Variants in ZBTB20 observed in about 807,000 individuals in gnomAD.
ZBTB20 encodes zinc finger and BTB domain containing 20.
ZBTB20 carries 9 observed loss-of-function variants against 56.9 expected under a neutral mutation model. The ratio of observed to expected loss-of-function variants is 0.16; its 90% CI spans 0.10 to 0.28. The LOEUF is 0.28. ZBTB20 is among the 10% of genes least tolerant of loss of function. ZBTB20 has a pLI of 1.00. For missense variants in ZBTB20, 655 were observed against 1,003.0 expected (o/e 0.65, Z 4.69); for synonymous variants, 417 against 420.7 (o/e 0.99, Z 0.11).
intron 10 of ZBTB20, chr3:114,378,893 G>A (rs538668758): frequency 1.3e-5 from 2 of 152,362 alleles, no homozygotes; most frequent in East Asian, 3.9e-4. Context: ...TTTCTCTATA[G>A]AAGCCTCAAC....
At chr3:114,893,258 G>A (rs1197074857) in intron 4 of ZBTB20, among the ~76,000 whole-genome samples, 21 of 152,158 alleles carry the variant, frequency 1.4e-4, no homozygotes, top group Admixed American at 1.2e-3. Context: ...ACAGAATTCA[G>A]TGTGCAGTTT....
chr3:114,548,388 T>C (rs2110169660), intron 6 of ZBTB20, among the ~76,000 whole-genome samples: 1 of 152,312 alleles, frequency 6.6e-6, no homozygotes, highest in African/African-American at 2.4e-5. Flanking sequence ...ATGCAACTTC[T>C]GTCTAAGGAT....
chr3:114,635,501 TAAA>T (rs2059211392), intron 6 of ZBTB20, among the ~76,000 whole-genome samples: 1 of 151,988 alleles, frequency 6.6e-6, no homozygotes, highest in Admixed American at 6.6e-5. Context: ...ATAAATGTCT[TAAA>T]GAAGCCCAGT....
intron 7 of ZBTB20, among the ~76,000 whole-genome samples, chr3:114,398,558 G>A (rs911038894): frequency 6.6e-6 from 1 of 152,096 alleles, no homozygotes; most frequent in Non-Finnish European, 1.5e-5. Context: ...GAAGAGCAAA[G>A]GCAGCTCCGT....
chr3:114,774,407 C>T (rs978039350), intron 5 of ZBTB20, among the ~76,000 whole-genome samples: 3 of 152,120 alleles, frequency 2.0e-5, no homozygotes, highest in Non-Finnish European at 2.9e-5. Context: ...AGGATAGCTC[C>T]AATGACCTGG....
chr3:114,658,243 T>G (rs1304951041), intron 6 of ZBTB20: 1 of 152,194 alleles, frequency 6.6e-6, no homozygotes, highest in Non-Finnish European at 1.5e-5. Flanking sequence ...GTATGTGATA[T>G]TTCTAATCAT....
intron 7 of ZBTB20, among the ~76,000 whole-genome samples, chr3:114,448,693 G>C (rs11921354): frequency 6.6e-6 from 1 of 152,114 alleles, no homozygotes; most frequent in South Asian, 2.1e-4. Flanking sequence ...CGTTCATATA[G>C]CTGCATAAAA....
intron 1 of ZBTB20, among the ~76,000 whole-genome samples, chr3:115,134,636 A>G (rs1433030538): frequency 6.6e-6 from 1 of 152,116 alleles, no homozygotes; most frequent in Non-Finnish European, 1.5e-5. Context: ...AATATCTGAA[A>G]TTATTTTCTG....
At position 114,702,994 on chromosome 3, in the gene ZBTB20, T is replaced by TTG. The variant is rs138375005; in HGVS notation, c.-342-9421_-342-9420dup. ...TTTTTTAAATGAATCTTACACAAATTTGTGTGTGTGTGTGTGTGTTAGAGA... is the reference window on the plus strand; with the variant it reads ...TTTTTTAAATGAATCTTACACAAATTTGTGTGTGTGTGTGTGTGTGTTAGAGA... On this transcript the variant is annotated intron_variant, in intron 5 of 11. Coordinates refer to ENST00000675478, the MANE Select transcript of ZBTB20 (RefSeq NM_001348800.3). Among the ~76,000 whole-genome samples, 482 of 146,090 alleles carry TTG rather than the reference T, an allele frequency of 3.3e-3. 3 individuals are homozygous for TTG. Among genetic ancestry groups the TTG allele is most frequent in the African/African-American group, 9.0e-3 (359 of 39,868 alleles).
intron 7 of ZBTB20, among the ~76,000 whole-genome samples, chr3:114,498,917 C>T (rs996475509): frequency 5.9e-5 from 9 of 152,126 alleles, no homozygotes; most frequent in African/African-American, 2.2e-4. Flanking sequence ...CTGAGCCGTG[C>T]GGGCAGGAGT....
chr3:114,593,352 G>C (rs1390267612), intron 6 of ZBTB20, among the ~76,000 whole-genome samples: 2 of 151,558 alleles, frequency 1.3e-5, no homozygotes, highest in Non-Finnish European at 2.9e-5. Flanking sequence ...AAATAGGGGA[G>C]AGGGAGAGAT....
intron 4 of ZBTB20, 46 bp downstream of exon 4, chr3:114,900,254 TGTTA>T (rs1335238593): frequency 2.0e-5 from 3 of 152,148 alleles, no homozygotes; most frequent in Non-Finnish European, 2.9e-5. Context: ...TATTATAACT[TGTTA>T]GTTAATATAT....
Position 114,339,757 on chromosome 3 carries a change from G to A in ZBTB20, c.1805-331C>T, listed in dbSNP as rs1463662387. 6.6e-6 allele frequency among the ~76,000 whole-genome samples: 1 copy of A among 152,072 alleles called. No individual in the cohort carries two copies. The highest frequency in any genetic ancestry group is 1.5e-5 in the Non-Finnish European group (1 of 68,016). ...AAAAGGGAGGGCTACTTTTGAAGGGGGTCACTTTCAGTGTCCTGATTAGGG... is the reference window on the plus strand; with the variant it reads ...AAAAGGGAGGGCTACTTTTGAAGGGAGTCACTTTCAGTGTCCTGATTAGGG... On this transcript the variant is annotated intron_variant, in intron 11 of 11. Transcript: ENST00000675478. This position sits in a 1 kb window ranked among gnomAD's most constrained non-coding sequence, Gnocchi z 4.2.
chr3:114,822,676 T>C (rs1258640933), intron 4 of ZBTB20, among the ~76,000 whole-genome samples: 1 of 151,918 alleles, frequency 6.6e-6, no homozygotes, highest in Admixed American at 6.6e-5. Context: ...AATGAGAAAA[T>C]GAATGTGAAA....
chr3:114,822,869 A>G (rs1699624513), intron 4 of ZBTB20, among the ~76,000 whole-genome samples: 1 of 152,092 alleles, frequency 6.6e-6, no homozygotes, highest in South Asian at 2.1e-4. Flanking sequence ...AAAAAGTTTC[A>G]GTCAAATTAT....
intron 1 of ZBTB20, among the ~76,000 whole-genome samples, chr3:115,141,079 T>C (rs2084799928): frequency 6.6e-6 from 1 of 152,164 alleles, no homozygotes; most frequent in East Asian, 1.9e-4. Flanking sequence ...CAGCAGTATT[T>C]AGTGCTTTTC....
Position 114,838,550 on chromosome 3 carries a change from G to C in ZBTB20, c.-416-37376C>G, listed in dbSNP as rs559256527. 7.8e-4 allele frequency among the ~76,000 whole-genome samples: 118 copies of C among 152,216 alleles called. 2 individuals are homozygous for C. In the South Asian group the frequency reaches 9.8e-3, roughly 13 times the overall value. ...AATTGAAGATCCATGGTGTGACTGG[G>C]GGGGGAAAGTCTCTGAAAAGTTAAA... is the stretch of plus-strand genomic sequence containing the variant. On this transcript the variant is annotated intron_variant, in intron 4 of 11. Transcript: ENST00000675478.
chr3:114,561,938 C>G (rs1239202805), intron 6 of ZBTB20, among the ~76,000 whole-genome samples: 1 of 152,178 alleles, frequency 6.6e-6, no homozygotes, highest in East Asian at 1.9e-4. Flanking sequence ...CAGCCACCCT[C>G]ATCAATTATC....
intron 6 of ZBTB20, among the ~76,000 whole-genome samples, chr3:114,629,744 T>C (rs76379455): frequency 0.022 from 3,341 of 152,316 alleles, 56 homozygotes; most frequent in Non-Finnish European, 0.034. Context: ...AGTCAGGCCC[T>C]GTTTGGATAC....
Sources: allele counts gnomAD v4.1 joint callset (sites outside exome capture counted in the v4.1 genomes callset), GRCh38; gene constraint gnomAD v4.1.1; non-coding constraint Gnocchi (gnomAD v3.1); transcripts MANE v1.5; gene names NCBI Gene and HGNC (gene_info 2026-07-23, HGNC 2026-07-21).